The following PLCH2 variants were observed in gnomAD, a reference collection of about 807,000 sequenced individuals.
PLCH2 encodes the protein 1-phosphatidylinositol 4,5-bisphosphate phosphodiesterase eta-2.
PLCH2 carries 98 observed loss-of-function variants against 134.7 expected under a neutral mutation model. The ratio of observed to expected loss-of-function variants is 0.73; its 90% CI spans 0.62 to 0.86. PLCH2 has a LOEUF of 0.86. Among genes scored for constraint, PLCH2 ranks in the 40% least tolerant of loss-of-function variants. The pLI, the probability that PLCH2 is intolerant of heterozygous loss-of-function variation, is 0.00. For synonymous variants in PLCH2, 974 were observed against 827.5 expected, an observed-to-expected ratio of 1.18 and a Z score of -3.04; for missense variants, 1,994 against 1,986.6, an observed-to-expected ratio of 1.00 and a Z score of -0.07.
chr1:2,494,589 G>A (rs111544917), intron 11 of PLCH2: 32 of 571,874 alleles, frequency 5.6e-5, no homozygotes, highest in African/African-American at 4.3e-4. Context: ...GCTGAGGCAG[G>A]TGTGAGCGAA....
chr1:2,424,697 A>G (rs1420402989), upstream of PLCH2, among the ~76,000 whole-genome samples: 1 of 152,048 alleles, frequency 6.6e-6, no homozygotes, highest in Non-Finnish European at 1.5e-5. Context: ...CTAAAAATAC[A>G]CAAAATTAGG....
At position 2,479,891 on chromosome 1, in the gene PLCH2, G is replaced by A. The variant is rs763794778; in HGVS notation, c.429G>A (p.Ala143=). 18 of 1,611,898 alleles carry A rather than the reference G, an allele frequency of 1.1e-5. No individual in the cohort carries two copies. Among genetic ancestry groups the A allele is most frequent in the Non-Finnish European group, 1.4e-5 (17 of 1,179,570 alleles). Residue 143 remains alanine (A), a synonymous_variant, in exon 3 of 22, where the codon GCG becomes GCA. Coordinates refer to ENST00000378486, the MANE Select transcript of PLCH2 (RefSeq NM_014638.4). ...LDLVSTSSEV[A]RTWVTGLRYL... is the part of the protein sequence containing the mutation. ...TGGTCTCCACCAGCAGCGAGGTGGC[G>A]CGCACCTGGGTCACTGGCCTGCGCT...
intron 13 of PLCH2, 88 bp from the exon 14 acceptor site, chr1:2,496,519 C>A: frequency 9.3e-7 from 1 of 1,078,484 alleles, no homozygotes; most frequent in African/African-American, 1.6e-5. Flanking sequence ...ATTAATGAGG[C>A]TGCCCGAGCC....
chr1:2,420,781 C>T, the PLCH2 span, among the ~76,000 whole-genome samples: 4 of 152,282 alleles, frequency 2.6e-5, no homozygotes, highest in East Asian at 3.9e-4. Context: ...AGTGATCGAT[C>T]GATTCATTGC....
chr1:2,480,222 G>A lies in PLCH2; in HGVS notation c.555G>A (p.Gly185=). 6.2e-7 allele frequency: 1 copy of A among 1,612,908 alleles called. No individual in the cohort carries two copies. Among genetic ancestry groups the A allele is most frequent in the Non-Finnish European group, 8.5e-7 (1 of 1,179,850 alleles). The part of the protein sequence containing the change: ...KQTFDEADKN[G]DGSLSIGEVL... ...CGTTTGACGAGGCCGACAAGAACGG[G>A]GATGGCAGCCTGAGCATTGGCGAGG... Residue 185 remains glycine, a synonymous_variant, in exon 4 of 22, where the codon GGG becomes GGA. Transcript: ENST00000378486.
rs963024210 is a variant in PLCH2 at position 2,502,193 on chromosome 1, C to A, written c.2743C>A (p.Pro915Thr). ...GSLDSHAAGR[P>T]PARPSVSQRI... Reference sequence around the variant, plus strand: ...GCTGGACAGTCATGCTGCTGGGCGGCCCCCGGCCCGGCCCTCCGTTAGCCA... The same window carrying A: ...GCTGGACAGTCATGCTGCTGGGCGGACCCCGGCCCGGCCCTCCGTTAGCCA... Residue 915 changes from proline to threonine, a missense_variant, in exon 21 of 22, where the codon CCC becomes ACC. By Grantham distance (38) the Pro-to-Thr change is conservative. Transcript: ENST00000378486. 8 of 1,533,610 alleles carry A rather than the reference C, an allele frequency of 5.2e-6. No homozygotes were observed. The highest frequency in any genetic ancestry group is 1.7e-4 in the Middle Eastern group (1 of 5,772).
At chr1:2,465,790 A>C (rs72644638), upstream of PLCH2, among the ~76,000 whole-genome samples, 1,619 of 152,058 alleles carry the variant, frequency 0.011, 15 homozygotes, top group East Asian at 0.039. Context: ...CTGAGGATGG[A>C]TTATTCCTTA....
At chr1:2,490,636 C>T (rs759985594) in intron 10 of PLCH2, among the ~76,000 whole-genome samples, 3 of 152,372 alleles carry the variant, frequency 2.0e-5, no homozygotes, top group East Asian at 3.9e-4. Flanking sequence ...GGCAGCAGCA[C>T]TCTTCCTGCC....
intron 21 of PLCH2, chr1:2,502,663 C>A: frequency 1.4e-6 from 1 of 690,562 alleles, no homozygotes; most frequent in Admixed American, 2.1e-5. Context: ...GTGGCCTGGA[C>A]CCTCACGCTA....
rs1051729094 is a variant in PLCH2, at chr1:2,439,578, C to A, written c.115+8949C>A. On this transcript the variant is annotated intron_variant, in intron 2 of 3. Transcript: ENST00000609981. This position sits in a 1 kb window ranked among gnomAD's most constrained non-coding sequence, Gnocchi z 4.7. ...CCGATTAAGCCCATTGATTGAGTTG[C>A]GTGCACGTGCTCTCTCTGCAGTGCT... Among the ~76,000 whole-genome samples, 2 of 152,230 alleles carry A rather than the reference C, an allele frequency of 1.3e-5. No individual in the cohort carries two copies. The highest frequency in any genetic ancestry group is 2.9e-5 in the Non-Finnish European group (2 of 68,040).
In PLCH2 at chr1:2,478,362, C is replaced by T. The variant is rs534110678; in HGVS notation, c.125-114C>T. ...GCGAGGTGAGGAGTGGCCGTGCCTC[C>T]GCTGACGGCCGTGTTTCTCCCGTGA... On this transcript the variant is annotated intron_variant, in intron 1 of 21. Transcript: ENST00000378486. 238 of 1,322,402 alleles carry T rather than the reference C, an allele frequency of 1.8e-4. 1 individual carries two copies. Among genetic ancestry groups the T allele is most frequent in the Admixed American group, 8.9e-4 (47 of 52,864 alleles). 81.9% of individuals were successfully genotyped at this position (1,322,402 alleles called of 1,614,324 possible). A position where few individuals can be genotyped will look rare whatever the true frequency, so the allele number is the denominator to read the frequency against.
chr1:2,459,767 G>A (rs1040739957), intron 2 of PLCH2, among the ~76,000 whole-genome samples: 7 of 152,364 alleles, frequency 4.6e-5, no homozygotes, highest in Middle Eastern at 3.4e-3. Flanking sequence ...CTGAGCCAGC[G>A]CTTATCTGAA....
intron 2 of PLCH2, among the ~76,000 whole-genome samples, chr1:2,436,416 A>C (rs1432797461): frequency 9.2e-4 from 14 of 15,292 alleles, no homozygotes; most frequent in African/African-American, 1.8e-3. Context: ...TCCTCCCTCC[A>C]CCTTTCCTCC....
intron 5 of PLCH2, among the ~76,000 whole-genome samples, chr1:2,485,657 G>A (rs797012497): frequency 2.6e-5 from 4 of 151,066 alleles, no homozygotes; most frequent in African/African-American, 7.3e-5. Flanking sequence ...GCTGCTTAGG[G>A]ACCTCCACTC....
At chr1:2,469,769 G>A (rs534683615) in intron 1 of PLCH2, among the ~76,000 whole-genome samples, 3 of 152,354 alleles carry the variant, frequency 2.0e-5, no homozygotes, top group South Asian at 2.1e-4. Flanking sequence ...TGGGAAAGGC[G>A]AGTGGGCGCG....
At chr1:2,497,810 AAAG>A in intron 16 of PLCH2, 1 of 532,558 alleles carries the variant, frequency 1.9e-6, no homozygotes, top group South Asian at 2.8e-5. Context: ...CTAGCGTTGC[AAAG>A]AAGGGCCCAG....
chr1:2,479,417 G>C (rs906096826), intron 2 of PLCH2: 2 of 279,438 alleles, frequency 7.2e-6, no homozygotes, highest in African/African-American at 4.3e-5. Context: ...GTGGAGACGT[G>C]CTGGTTAAAC....
Position 2,479,991 on chromosome 1 carries a change from C to T in PLCH2, c.515+14C>T, listed in dbSNP as rs757527285. On this transcript the variant is annotated intron_variant, in intron 3 of 21. Coordinates refer to ENST00000378486, the MANE Select transcript of PLCH2 (RefSeq NM_014638.4). ...CACCAGGGACCAATATCCTTGGGCA[C>T]CTATCGGGCAATGCAGACCCAGGGA... The T allele has an allele frequency of 1.2e-6, 2 of 1,600,252 alleles. No individual in the cohort carries two copies. The highest frequency in any genetic ancestry group is 2.2e-5 in the South Asian group (2 of 90,760).
At chr1:2,417,761 A>G in the PLCH2 span, among the ~76,000 whole-genome samples, 2 of 152,190 alleles carry the variant, frequency 1.3e-5, no homozygotes, top group South Asian at 2.1e-4. Flanking sequence ...AGGCAGAGTC[A>G]GGGCTGGGAG....
Sources: gnomAD v4.1 joint callset for allele counts (sites outside exome capture counted in the v4.1 genomes callset) on GRCh38, gnomAD v4.1.1 for gene constraint, Gnocchi (gnomAD v3.1) non-coding constraint, MANE v1.5 for transcripts, NCBI Gene and HGNC (gene_info 2026-07-23, HGNC 2026-07-21) for gene names.